STARD3NL: variants seen among roughly 807,000 people sequenced by gnomAD.
The protein encoded by STARD3NL is STARD3 N-terminal-like protein.
In STARD3NL, 17 loss-of-function variants were observed where a neutral mutation model predicts 30.9. The ratio of observed to expected loss-of-function variants is 0.55; its 90% CI spans 0.38 to 0.82. The LOEUF (loss-of-function observed/expected upper bound fraction) is 0.82. STARD3NL is among the 40% of genes least tolerant of loss of function. The pLI is 0.00. For missense variants in STARD3NL, 234 were observed against 277.6 expected (o/e 0.84, Z 1.12); for synonymous variants, 112 against 100.5 (o/e 1.11, Z -0.69).
At chr7:38,206,110 C>T (rs559025669) in intron 1 of STARD3NL, among the ~76,000 whole-genome samples, 1 of 152,280 alleles carries the variant, frequency 6.6e-6, no homozygotes, top group South Asian at 2.1e-4. Flanking sequence ...TGTAAAGAGA[C>T]GAAGTTCTGG....
chr7:38,202,610 C>T (rs746949379), intron 1 of STARD3NL, among the ~76,000 whole-genome samples: 13 of 151,878 alleles, frequency 8.6e-5, no homozygotes, highest in Non-Finnish European at 1.8e-4. Context: ...TTTTAGGATA[C>T]ATATGCACAA....
intron 1 of STARD3NL, among the ~76,000 whole-genome samples, chr7:38,191,888 G>C (rs1055965587): frequency 1.1e-4 from 16 of 147,856 alleles, no homozygotes; most frequent in Admixed American, 4.2e-4. Context: ...ATACATTTTA[G>C]AATTAGCTTG....
intron 1 of STARD3NL, among the ~76,000 whole-genome samples, chr7:38,194,940 A>G (rs534403208): frequency 1.3e-5 from 2 of 152,256 alleles, no homozygotes; most frequent in South Asian, 2.1e-4. Context: ...AAAACCTTTC[A>G]TTGTGATTAT....
At chr7:38,229,264 G>T (rs972946453) in intron 8 of STARD3NL, among the ~76,000 whole-genome samples, 1 of 152,204 alleles carries the variant, frequency 6.6e-6, no homozygotes, top group African/African-American at 2.4e-5. Context: ...CAGAGACATA[G>T]AATGGGTCAC....
intron 1 of STARD3NL, among the ~76,000 whole-genome samples, chr7:38,204,864 G>A (rs943511931): frequency 2.0e-5 from 3 of 151,980 alleles, no homozygotes; most frequent in South Asian, 2.1e-4. Context: ...ACACCTCTAC[G>A]CAAATAAACT....
At chr7:38,184,737 A>G (rs902581091) in intron 1 of STARD3NL, among the ~76,000 whole-genome samples, 3 of 146,302 alleles carry the variant, frequency 2.1e-5, no homozygotes, top group South Asian at 4.2e-4. Context: ...CATATAGTAT[A>G]TAACATATAC....
chr7:38,225,615 C>T (rs1171407810), intron 7 of STARD3NL, among the ~76,000 whole-genome samples: 7 of 143,128 alleles, frequency 4.9e-5, no homozygotes, highest in Admixed American at 1.4e-4. Flanking sequence ...ACTGATTTGA[C>T]ACGTTTGCTA....
intron 1 of STARD3NL, among the ~76,000 whole-genome samples, chr7:38,191,651 C>T (rs1583780294): frequency 6.6e-6 from 1 of 152,100 alleles, no homozygotes; most frequent in African/African-American, 2.4e-5. Context: ...TTTATTTTCA[C>T]CATTGGATTA....
intron 1 of STARD3NL, among the ~76,000 whole-genome samples, chr7:38,204,045 A>C (rs1358040368): frequency 1.3e-5 from 2 of 152,204 alleles, no homozygotes; most frequent in Admixed American, 6.5e-5. Flanking sequence ...GGGAGATTTT[A>C]ACACCCCACT....
chr7:38,196,964 A>G (rs927400461), intron 1 of STARD3NL, among the ~76,000 whole-genome samples: 8 of 152,174 alleles, frequency 5.3e-5, no homozygotes, highest in Admixed American at 1.3e-4. Flanking sequence ...GCAGTTCGCC[A>G]AAGAAAGATT....
chr7:38,223,044 C>T lies in STARD3NL; in HGVS notation c.649+3384C>T, dbSNP rs189532980. On this transcript the variant is annotated intron_variant, in intron 7 of 8. Coordinates refer to ENST00000009041, the MANE Select transcript of STARD3NL (RefSeq NM_032016.4). Reference sequence around the variant, plus strand: ...CTTCCCTGGTACACATGAGGGCGTCCGAAAAAGGCCTGACGTGCCTTTTTT... The same window carrying T: ...CTTCCCTGGTACACATGAGGGCGTCTGAAAAAGGCCTGACGTGCCTTTTTT... 1.4e-4 allele frequency among the ~76,000 whole-genome samples: 21 copies of T among 152,082 alleles called. No individual in the cohort carries two copies. The East Asian group carries it at 2.3e-3, about 17-fold the overall frequency.
chr7:38,183,189 C>A (rs1307891593), intron 1 of STARD3NL, among the ~76,000 whole-genome samples: 1 of 152,172 alleles, frequency 6.6e-6, no homozygotes, highest in Non-Finnish European at 1.5e-5. Flanking sequence ...GAACACCAGC[C>A]AAGACTTGCC....
At chr7:38,217,149 G>T (rs1206575192) in intron 5 of STARD3NL, 39 bp from the exon 6 acceptor site, 2 of 1,613,660 alleles carry the variant, frequency 1.2e-6, no homozygotes, top group African/African-American at 1.3e-5. Context: ...GTGTGAGTTT[G>T]TGGTAACTGC....
At chr7:38,198,966 T>C (rs113374591) in intron 1 of STARD3NL, among the ~76,000 whole-genome samples, 42 of 152,338 alleles carry the variant, frequency 2.8e-4, no homozygotes, top group African/African-American at 9.9e-4. Flanking sequence ...ATTGAGTTTT[T>C]AGTGATTTGT....
chr7:38,182,553 T>A (rs1241504814), intron 1 of STARD3NL, among the ~76,000 whole-genome samples: 2 of 152,210 alleles, frequency 1.3e-5, no homozygotes, highest in East Asian at 3.8e-4. Flanking sequence ...TGTCATCAGT[T>A]CTGATGTCCT....
intron 1 of STARD3NL, among the ~76,000 whole-genome samples, chr7:38,204,633 A>T (rs545625916): frequency 6.6e-6 from 1 of 152,346 alleles, no homozygotes; most frequent in Admixed American, 6.5e-5. Flanking sequence ...AATAACTAAG[A>T]TCAGAGCAGA....
intron 1 of STARD3NL, among the ~76,000 whole-genome samples, chr7:38,190,714 G>A (rs1427470056): frequency 6.6e-6 from 1 of 152,172 alleles, no homozygotes; most frequent in Non-Finnish European, 1.5e-5. Flanking sequence ...CTAGGCTTGT[G>A]CATTGCATGT....
intron 1 of STARD3NL, among the ~76,000 whole-genome samples, chr7:38,185,832 A>G (rs1583771190): frequency 6.6e-6 from 1 of 152,214 alleles, no homozygotes; most frequent in South Asian, 2.1e-4. Context: ...GGGATGAAGG[A>G]TAGTTACTAA....
At chr7:38,203,789 C>G (rs1389815301) in intron 1 of STARD3NL, among the ~76,000 whole-genome samples, 2 of 151,954 alleles carry the variant, frequency 1.3e-5, no homozygotes, top group African/African-American at 4.8e-5. Context: ...GGAAGATCAA[C>G]CAAGCAAATG....
Sources: allele counts gnomAD v4.1 joint callset (sites outside exome capture counted in the v4.1 genomes callset), GRCh38; gene constraint gnomAD v4.1.1; transcripts MANE v1.5; gene names NCBI Gene and HGNC (gene_info 2026-07-23, HGNC 2026-07-21).